Variants in TMEM132D observed in about 807,000 individuals in gnomAD.
TMEM132D encodes the protein transmembrane protein 132D.
A neutral mutation model predicts 62.3 loss-of-function variants in TMEM132D; 21 were observed. The ratio of observed to expected loss-of-function variants is 0.34; its 90% CI spans 0.24 to 0.49. The LOEUF (loss-of-function observed/expected upper bound fraction) is 0.49. TMEM132D is among the 20% of genes least tolerant of loss of function. The probability of loss-of-function intolerance (pLI) is 0.99; values close to 1 mark genes in which losing one functional copy is unlikely to be tolerated. For missense variants in TMEM132D, 1,346 were observed against 1,402.8 expected (o/e 0.96, Z 0.65); for synonymous variants, 621 against 575.6 (o/e 1.08, Z -1.13).
chr12:129,680,861 G>T (rs2137208149), intron 2 of TMEM132D, among the ~76,000 whole-genome samples: 1 of 152,262 alleles, frequency 6.6e-6, no homozygotes, highest in Non-Finnish European at 1.5e-5. Flanking sequence ...TGTAGGAACT[G>T]GAAAATTGGA....
At chr12:129,524,840 T>C (rs1875965113) in intron 3 of TMEM132D, among the ~76,000 whole-genome samples, 3 of 151,460 alleles carry the variant, frequency 2.0e-5, no homozygotes, top group Non-Finnish European at 1.5e-5. Context: ...AGCGACAGAG[T>C]GAGACTCCGT....
At chr12:129,749,225 T>C (rs1214372311) in intron 1 of TMEM132D, among the ~76,000 whole-genome samples, 1 of 152,212 alleles carries the variant, frequency 6.6e-6, no homozygotes, top group Non-Finnish European at 1.5e-5. Context: ...AAAGTCCAGC[T>C]ATAAATGTAG....
chr12:129,828,955 C>T (rs1872748893), intron 1 of TMEM132D, among the ~76,000 whole-genome samples: 1 of 151,844 alleles, frequency 6.6e-6, no homozygotes, highest in Admixed American at 6.6e-5. Flanking sequence ...TAAAGCCATA[C>T]TGTCACTATG....
intron 5 of TMEM132D, among the ~76,000 whole-genome samples, chr12:129,125,614 TG>T (rs571735959): frequency 7.9e-4 from 120 of 151,734 alleles, no homozygotes; most frequent in African/African-American, 2.7e-3. Flanking sequence ...AAGCTTCCTG[TG>T]TAGCTGGGAC....
intron 3 of TMEM132D, among the ~76,000 whole-genome samples, chr12:129,440,593 TG>T (rs1872911434): frequency 6.6e-6 from 1 of 152,222 alleles, no homozygotes; most frequent in South Asian, 2.1e-4. Flanking sequence ...AAGAGGTTAT[TG>T]GGTTTGGAGG....
chr12:129,844,799 G>A (rs115891911), intron 1 of TMEM132D, among the ~76,000 whole-genome samples: 1,866 of 152,216 alleles, frequency 0.012, 38 homozygotes, highest in African/African-American at 0.042. Flanking sequence ...TAATGAACTA[G>A]TAACAATAGG....
intron 2 of TMEM132D, among the ~76,000 whole-genome samples, chr12:129,686,273 G>A (rs1383212354): frequency 6.6e-6 from 1 of 152,118 alleles, no homozygotes; most frequent in Non-Finnish European, 1.5e-5. Context: ...GTTGTGAGAG[G>A]GACCCGGTGG....
chr12:129,300,445 C>A (rs1018711516), intron 4 of TMEM132D, among the ~76,000 whole-genome samples: 1 of 152,196 alleles, frequency 6.6e-6, no homozygotes, highest in Non-Finnish European at 1.5e-5. Context: ...GGAGTCCACA[C>A]ACGTGCAATG....
intron 5 of TMEM132D, among the ~76,000 whole-genome samples, chr12:129,148,409 C>T (rs895011656): frequency 2.0e-5 from 3 of 152,042 alleles, no homozygotes; most frequent in Non-Finnish European, 4.4e-5. Context: ...AATGTCATCA[C>T]AAGGGTCCTT....
intron 3 of TMEM132D, among the ~76,000 whole-genome samples, chr12:129,412,576 G>T (rs1159815047): frequency 6.6e-6 from 1 of 152,140 alleles, no homozygotes; most frequent in Non-Finnish European, 1.5e-5. Flanking sequence ...ACCATGAGGG[G>T]CCGGGTGCGG....
At chr12:129,795,349 G>A (rs1488755819) in intron 1 of TMEM132D, among the ~76,000 whole-genome samples, 1 of 152,204 alleles carries the variant, frequency 6.6e-6, no homozygotes, top group Non-Finnish European at 1.5e-5. Context: ...AGCAAAAGCT[G>A]CATCTTCTCA....
chr12:129,692,109 C>T (rs1204774120), intron 2 of TMEM132D, among the ~76,000 whole-genome samples: 1 of 151,998 alleles, frequency 6.6e-6, no homozygotes, highest in African/African-American at 2.4e-5. Context: ...ATTACCAAAA[C>T]CATATGAAGA....
At chr12:129,182,536 A>T (rs544432758) in intron 5 of TMEM132D, among the ~76,000 whole-genome samples, 1 of 152,300 alleles carries the variant, frequency 6.6e-6, no homozygotes, top group South Asian at 2.1e-4. Context: ...TGTGGAAGGG[A>T]GCGTGCTGGC....
At chr12:129,458,882 C>T (rs10773665) in intron 3 of TMEM132D, among the ~76,000 whole-genome samples, 119,638 of 152,074 alleles carry the variant, frequency 0.79, 47,451 homozygotes, top group East Asian at 0.99. Flanking sequence ...ACCCATTGAA[C>T]CTTGGATGTC....
intron 5 of TMEM132D, among the ~76,000 whole-genome samples, chr12:129,163,747 G>T (rs559515244): frequency 6.6e-6 from 1 of 152,184 alleles, no homozygotes; most frequent in Non-Finnish European, 1.5e-5. Flanking sequence ...TCCCCATCCC[G>T]GCATATCCTC....
In TMEM132D at chr12:129,371,250, G is replaced by A. The variant is rs1272946556; in HGVS notation, c.1116-33433C>T. On this transcript the variant is annotated intron_variant, in intron 3 of 8. Transcript: ENST00000422113. This position sits in a 1 kb window ranked among gnomAD's most constrained non-coding sequence, Gnocchi z 4.3. Reference sequence around the variant, plus strand: ...TGTTGTTACTGTGGTGATGATGGTGGCAGTGATGATGATGATGAAGGTGGT... The same window carrying A: ...TGTTGTTACTGTGGTGATGATGGTGACAGTGATGATGATGATGAAGGTGGT... Among the ~76,000 whole-genome samples, 1 of 152,034 alleles carries A rather than the reference G, an allele frequency of 6.6e-6. No individual in the cohort carries two copies. The highest frequency in any genetic ancestry group is 1.5e-5 in the Non-Finnish European group (1 of 67,998).
chr12:129,809,285 G>A (rs1260484017), intron 1 of TMEM132D, among the ~76,000 whole-genome samples: 1 of 148,656 alleles, frequency 6.7e-6, no homozygotes, highest in Non-Finnish European at 1.5e-5. Flanking sequence ...TCCAGCCTGG[G>A]CGACAGAGCG....
intron 2 of TMEM132D, among the ~76,000 whole-genome samples, chr12:129,600,143 C>T (rs2137141904): frequency 6.6e-6 from 1 of 152,338 alleles, no homozygotes. Flanking sequence ...TCAAATCAGT[C>T]TTTGTAATAT....
At chr12:129,348,182 T>C (rs1869746090) in intron 3 of TMEM132D, among the ~76,000 whole-genome samples, 1 of 152,170 alleles carries the variant, frequency 6.6e-6, no homozygotes. Flanking sequence ...AAATACCATT[T>C]GACCCAGCAA....
Sources: gnomAD v4.1 joint callset for allele counts (sites outside exome capture counted in the v4.1 genomes callset) on GRCh38, gnomAD v4.1.1 for gene constraint, Gnocchi (gnomAD v3.1) non-coding constraint, MANE v1.5 for transcripts, NCBI Gene and HGNC (gene_info 2026-07-23, HGNC 2026-07-21) for gene names.